The following SCN2A variants were observed in gnomAD, a reference collection of about 807,000 sequenced individuals.
SCN2A encodes sodium voltage-gated channel alpha subunit 2, also known as sodium channel protein type 2 subunit alpha.
A neutral mutation model predicts 188.7 loss-of-function variants in SCN2A; 20 were observed. That is an observed-to-expected ratio of 0.11 (90% CI 0.07 to 0.15). SCN2A has a LOEUF of 0.15. Ranked by LOEUF, SCN2A falls within the 10% of genes least tolerant of loss-of-function variation. The pLI, the probability that SCN2A is intolerant of heterozygous loss-of-function variation, is 1.00. For missense variants in SCN2A, 1,278 were observed against 2,445.0 expected, an observed-to-expected ratio of 0.52 and a Z score of 10.07; for synonymous variants, 804 against 833.1, an observed-to-expected ratio of 0.97 and a Z score of 0.60.
At chr2:165,329,735 T>C (rs1698573845) in intron 13 of SCN2A, among the ~76,000 whole-genome samples, 1 of 152,222 alleles carries the variant, frequency 6.6e-6, no homozygotes, top group African/African-American at 2.4e-5. Context: ...TGTTATTTAC[T>C]GTAAATAATA....
chr2:165,278,999 G>A (rs1348621982), intron 1 of SCN2A, among the ~76,000 whole-genome samples: 2 of 151,666 alleles, frequency 1.3e-5, no homozygotes, highest in Admixed American at 6.6e-5. Context: ...AGGAAGGAAG[G>A]AATGAAGGAA....
Position 165,344,551 on chromosome 2 carries a change from C to A in SCN2A, c.2563-4C>A, listed in dbSNP as rs561375550. On this transcript the variant is annotated splice_region_variant and splice_polypyrimidine_tract_variant and intron_variant, in intron 15 of 26. Coordinates refer to ENST00000375437, the MANE Select transcript of SCN2A (RefSeq NM_001040142.2). ...ATTAACACTGTTCTTGCTTTTATTT[C>A]CAGCTCCGAGTTTTCAAGTTGGCAA... 1.1e-4 allele frequency: 171 copies of A among 1,613,498 alleles called. No homozygotes were observed. The highest frequency in any genetic ancestry group is 1.4e-4 in the Non-Finnish European group (160 of 1,179,624).
At chr2:165,271,645 G>A (rs904340900) in intron 1 of SCN2A, 2 of 152,088 alleles carry the variant, frequency 1.3e-5, no homozygotes, top group Admixed American at 1.3e-4. Flanking sequence ...TTTGACAAAT[G>A]TATTCCCCTG....
chr2:165,351,455 C>A (rs1699913336), intron 16 of SCN2A, among the ~76,000 whole-genome samples: 5 of 151,898 alleles, frequency 3.3e-5, no homozygotes, highest in Admixed American at 3.3e-4. Context: ...ATTATACTGA[C>A]TAAATATGGT....
At chr2:165,287,688 T>A (rs932280759) in intron 1 of SCN2A, among the ~76,000 whole-genome samples, 5 of 152,184 alleles carry the variant, frequency 3.3e-5, no homozygotes, top group Non-Finnish European at 7.4e-5. Flanking sequence ...ACTCTAACAT[T>A]GCTTCTCTTC....
chr2:165,274,346 A>G (rs933221521), intron 1 of SCN2A: 1 of 150,362 alleles, frequency 6.7e-6, no homozygotes, highest in African/African-American at 2.4e-5. Context: ...CCTTATTCTA[A>G]GTAGGGGAGA....
intron 16 of SCN2A, among the ~76,000 whole-genome samples, chr2:165,348,252 G>A (rs993770484): frequency 2.6e-5 from 4 of 151,742 alleles, no homozygotes; most frequent in African/African-American, 9.7e-5. Flanking sequence ...CCAGCTACTT[G>A]GGAAGCTGAG....
intron 3 of SCN2A, among the ~76,000 whole-genome samples, chr2:165,298,531 G>A (rs1255880566): frequency 6.6e-6 from 1 of 152,152 alleles, no homozygotes; most frequent in East Asian, 1.9e-4. Flanking sequence ...CATGTTTTAA[G>A]ATTTCCTAGT....
intron 1 of SCN2A, among the ~76,000 whole-genome samples, chr2:165,278,234 T>G (rs890719089): frequency 6.6e-6 from 1 of 152,156 alleles, no homozygotes; most frequent in Non-Finnish European, 1.5e-5. Flanking sequence ...CATAAGACAC[T>G]GGTAGAGTAT....
chr2:165,377,287 T>C (rs1046655062), intron 22 of SCN2A, among the ~76,000 whole-genome samples: 3 of 152,030 alleles, frequency 2.0e-5, no homozygotes, highest in African/African-American at 7.2e-5. Context: ...TCAAAGTTCA[T>C]GATATATTTT....
At position 165,239,592 on chromosome 2, in the gene SCN2A, A is replaced by G. The variant is rs1693529448; in HGVS notation, c.-100A>G. On this transcript the variant is annotated 5_prime_UTR_variant, in exon 1 of 27. Coordinates refer to ENST00000375437, the MANE Select transcript of SCN2A (RefSeq NM_001040142.2). ...AATTGCATTGGAGACTGTTATATTC[A>G]ACACATACGTGGATTCTGTGTTATG... The G allele has an allele frequency of 1.0e-6, 1 of 981,052 alleles. No individual in the cohort carries two copies. The highest frequency in any genetic ancestry group is 1.2e-6 in the Non-Finnish European group (1 of 826,088). The allele number at this position is 981,052 out of a possible 1,614,324, so 60.8% of individuals were successfully genotyped here. A position where few individuals can be genotyped will look rare whatever the true frequency, so the allele number is the denominator to read the frequency against.
In SCN2A at chr2:165,374,710, C is replaced by T. The variant is rs768304979; in HGVS notation, c.3998C>T (p.Ala1333Val). The change falls in exon 22 of 27, where the codon GCC becomes GTC. Residue 1333 changes from alanine (A) to valine (V), a missense_variant. Physicochemically the swap from Ala to Val is moderately conservative, Grantham distance 64 (BLOSUM62 0). This residue lies in a region of SCN2A where 39 missense variants were observed against 130.2 expected (regional missense o/e 0.30). Coordinates refer to ENST00000375437, the MANE Select transcript of SCN2A (RefSeq NM_001040142.2). ...MRVVVNALLG[A>V]IPSIMNVLLV... ...GTTGTTGTAAATGCTCTTTTAGGAGCCATTCCATCTATCATGAATGTACTT... is the reference window on the plus strand; with the variant it reads ...GTTGTTGTAAATGCTCTTTTAGGAGTCATTCCATCTATCATGAATGTACTT... 1 of 1,613,306 alleles carries T rather than the reference C, an allele frequency of 6.2e-7. No homozygotes were observed.
chr2:165,323,122 A>C, intron 11 of SCN2A, 34 bp from the exon 12 acceptor site: 1 of 1,581,126 alleles, frequency 6.3e-7, no homozygotes, highest in Non-Finnish European at 8.7e-7. Flanking sequence ...AACTCTCTTC[A>C]TCTCATTTTT....
chr2:165,348,137 T>C (rs913689267), intron 16 of SCN2A, among the ~76,000 whole-genome samples: 4 of 152,104 alleles, frequency 2.6e-5, no homozygotes, highest in Non-Finnish European at 4.4e-5. Flanking sequence ...AGTGGGCGTT[T>C]CACTTGAGGA....
Position 165,367,298 on chromosome 2 carries a change from G to C in SCN2A, c.3602G>C (p.Cys1201Ser), listed in dbSNP as rs1700780892. The stretch of plus-strand genomic sequence containing the variant: ...CTCTGGTGGAATTTGAGGAAAACAT[G>C]CTATAAGATAGTGGAGCACAATTGG... ...GKLWWNLRKT[C>S]YKIVEHNWFE... The change falls in exon 19 of 27, where the codon TGC becomes TCC. Residue 1201 changes from cysteine to serine, a missense_variant. By Grantham distance (112) the Cys-to-Ser change is moderately radical (BLOSUM62 -1). Transcript: ENST00000375437. 1 of 1,614,008 alleles carries C rather than the reference G, an allele frequency of 6.2e-7. No individual in the cohort carries two copies. Among genetic ancestry groups the C allele is most frequent in the African/African-American group, 1.3e-5 (1 of 74,930 alleles).
At chr2:165,266,044 A>C (rs1322866748) in intron 1 of SCN2A, among the ~76,000 whole-genome samples, 3 of 152,002 alleles carry the variant, frequency 2.0e-5, no homozygotes, top group Non-Finnish European at 4.4e-5. Context: ...GTTACTAAAG[A>C]ATATGATTTT....
intron 16 of SCN2A, among the ~76,000 whole-genome samples, chr2:165,351,382 T>A (rs2105331845): frequency 6.6e-6 from 1 of 152,294 alleles, no homozygotes; most frequent in African/African-American, 2.4e-5. Flanking sequence ...TGGAATAGCA[T>A]TGAATTGAGT....
intron 15 of SCN2A, 136 bp downstream of exon 15, chr2:165,342,605 C>G (rs562447610): frequency 8.9e-6 from 8 of 896,126 alleles, no homozygotes; most frequent in Non-Finnish European, 1.5e-5. Flanking sequence ...GATTGCCATA[C>G]CACCAAATGG....
chr2:165,281,577 C>A (rs760039515), intron 1 of SCN2A, among the ~76,000 whole-genome samples: 2 of 152,074 alleles, frequency 1.3e-5, no homozygotes, highest in Non-Finnish European at 2.9e-5. Context: ...GCAGACCTTG[C>A]AGGCCAACAC....
Sources: gnomAD v4.1 joint callset for allele counts (sites outside exome capture counted in the v4.1 genomes callset) on GRCh38, gnomAD v4.1.1 for gene constraint, gnomAD v4.1.1 regional missense constraint, MANE v1.5 for transcripts, NCBI Gene and HGNC (gene_info 2026-07-23, HGNC 2026-07-21) for gene names.